Variants in FOXP1 observed in about 807,000 individuals in gnomAD.
FOXP1 encodes forkhead box P1, also known as forkhead box protein P1.
A neutral mutation model predicts 98.2 loss-of-function variants in FOXP1; 15 were observed. That is an observed-to-expected ratio of 0.15 (90% CI 0.10 to 0.24). FOXP1 has a LOEUF of 0.24. Among genes scored for constraint, FOXP1 ranks in the 10% least tolerant of loss-of-function variants. The probability of loss-of-function intolerance (pLI) is 1.00; values close to 1 mark genes in which losing one functional copy is unlikely to be tolerated. For missense variants in FOXP1, 633 were observed against 848.5 expected (o/e 0.75, Z 3.15); for synonymous variants, 371 against 314.5 (o/e 1.18, Z -1.90).
intron 3 of FOXP1, among the ~76,000 whole-genome samples, chr3:71,404,114 C>CT (rs369261454): frequency 4.1e-5 from 2 of 49,046 alleles, no homozygotes; most frequent in Non-Finnish European, 9.4e-5. Context: ...TTTTTCTTTT[C>CT]TTTTTCTTTT....
chr3:71,392,134 G>T (rs577497918), intron 3 of FOXP1, among the ~76,000 whole-genome samples: 1 of 152,208 alleles, frequency 6.6e-6, no homozygotes, highest in Non-Finnish European at 1.5e-5. Flanking sequence ...TATCAGCATG[G>T]CACATTTCCT....
At chr3:71,111,194 G>C (rs946256302) in intron 7 of FOXP1, among the ~76,000 whole-genome samples, 1 of 152,134 alleles carries the variant, frequency 6.6e-6, no homozygotes, top group Admixed American at 6.5e-5. Context: ...TTGGCACCAA[G>C]TTATATACCT....
intron 17 of FOXP1, among the ~76,000 whole-genome samples, chr3:70,973,517 G>C (rs2036797495): frequency 1.3e-5 from 2 of 152,116 alleles, no homozygotes. Flanking sequence ...CAACTCAAGG[G>C]TGAAGAGCTT....
intron 5 of FOXP1, among the ~76,000 whole-genome samples, chr3:71,287,652 A>T (rs1485476272): frequency 1.3e-5 from 2 of 151,338 alleles, no homozygotes; most frequent in Non-Finnish European, 2.9e-5. Flanking sequence ...TGGTGGCGGG[A>T]ATCTGTAATC....
chr3:71,483,785 A>T (rs1291009889), intron 3 of FOXP1, among the ~76,000 whole-genome samples: 1 of 152,140 alleles, frequency 6.6e-6, no homozygotes, highest in Non-Finnish European at 1.5e-5. Flanking sequence ...TGAGCCTCCC[A>T]CCATCACACA....
intron 7 of FOXP1, among the ~76,000 whole-genome samples, chr3:71,092,186 T>C (rs903696502): frequency 3.4e-5 from 5 of 145,874 alleles, no homozygotes; most frequent in Admixed American, 7.0e-5. Context: ...AGAGACTCTG[T>C]CTCAGAAAAA....
intron 4 of FOXP1, among the ~76,000 whole-genome samples, chr3:71,346,221 A>C (rs183654948): frequency 3.9e-5 from 6 of 152,346 alleles, no homozygotes; most frequent in Admixed American, 3.9e-4. Flanking sequence ...GCACTCACAT[A>C]ATAGATCACT....
At chr3:71,080,977 TG>T (rs2054346077) in intron 7 of FOXP1, among the ~76,000 whole-genome samples, 1 of 152,258 alleles carries the variant, frequency 6.6e-6, no homozygotes, top group African/African-American at 2.4e-5. Flanking sequence ...ATCTTCACTT[TG>T]GCCCATTCTA....
chr3:70,996,160 G>A (rs7623078), intron 13 of FOXP1, among the ~76,000 whole-genome samples: 83,200 of 151,988 alleles, frequency 0.55, 25,136 homozygotes, highest in East Asian at 0.98. Flanking sequence ...CTAATTTTGT[G>A]TTTTTAGAGA....
intron 6 of FOXP1, among the ~76,000 whole-genome samples, chr3:71,116,923 A>G (rs1172033343): frequency 1.3e-5 from 2 of 152,100 alleles, no homozygotes; most frequent in Non-Finnish European, 2.9e-5. Context: ...TGATCAGTGG[A>G]AAATGTGGAA....
intron 6 of FOXP1, among the ~76,000 whole-genome samples, chr3:71,122,133 T>C (rs2058824206): frequency 6.6e-6 from 1 of 152,232 alleles, no homozygotes; most frequent in Non-Finnish European, 1.5e-5. Flanking sequence ...CTGAACCCAG[T>C]TCTTTCTCAA....
At chr3:71,328,974 T>TAAAAAAAAAAAAAAA (rs869252301) in intron 4 of FOXP1, among the ~76,000 whole-genome samples, 2 of 31,184 alleles carry the variant, frequency 6.4e-5, no homozygotes, top group Non-Finnish European at 1.2e-4. Context: ...TCCATCTCGC[T>TAAAAAAAAAAAAAAA]AAAAAAAAAA....
At chr3:71,130,472 A>G (rs751735063) in intron 6 of FOXP1, 2 of 1,596,408 alleles carry the variant, frequency 1.3e-6, no homozygotes, top group Non-Finnish European at 8.5e-7. Context: ...CAGCAAAAAA[A>G]TGTTTCTTTT....
At chr3:71,135,667 C>A (rs983953731) in intron 6 of FOXP1, among the ~76,000 whole-genome samples, 1 of 152,146 alleles carries the variant, frequency 6.6e-6, no homozygotes, top group Non-Finnish European at 1.5e-5. Context: ...GCAAACAACC[C>A]AGAAAACTGT....
chr3:71,056,348 TA>T (rs2050640858), intron 7 of FOXP1, among the ~76,000 whole-genome samples: 1 of 152,212 alleles, frequency 6.6e-6, no homozygotes, highest in Admixed American at 6.5e-5. Context: ...AGACAATTTT[TA>T]AAGGCTGACA....
intron 3 of FOXP1, among the ~76,000 whole-genome samples, chr3:71,470,880 G>A (rs2089276591): frequency 6.6e-6 from 1 of 152,212 alleles, no homozygotes. Context: ...AGACAGAACT[G>A]GATTTGAATG....
chr3:71,161,427 G>A (rs1264453130), intron 6 of FOXP1, among the ~76,000 whole-genome samples: 1 of 151,996 alleles, frequency 6.6e-6, no homozygotes, highest in Non-Finnish European at 1.5e-5. Context: ...CAGCCATTTG[G>A]CCCAAGCTTC....
rs755834251 is a variant in FOXP1, at chr3:70,978,061, C to A, written c.1147-32G>T. 5.6e-6 allele frequency: 9 copies of A among 1,597,450 alleles called. No individual in the cohort carries two copies. In the South Asian group the frequency reaches 7.7e-5, roughly 14 times the overall value. On this transcript the variant is annotated intron_variant, in intron 14 of 20. Coordinates refer to ENST00000649528, the MANE Select transcript of FOXP1 (RefSeq NM_001349338.3). ...GGAAAAAAACAACGTCTTAGAAGAC[C>A]TTCAGAAAACCAGAGCAACCCAGGA...
intron 12 of FOXP1, among the ~76,000 whole-genome samples, chr3:71,004,162 CATTT>C: frequency 6.6e-6 from 1 of 151,882 alleles, no homozygotes; most frequent in East Asian, 1.9e-4. Context: ...GTTAGACAAA[CATTT>C]GTTTTGTTAA....
Sources: allele counts gnomAD v4.1 joint callset (sites outside exome capture counted in the v4.1 genomes callset), GRCh38; gene constraint gnomAD v4.1.1; transcripts MANE v1.5; gene names NCBI Gene and HGNC (gene_info 2026-07-23, HGNC 2026-07-21).